The following RIMS1 variants were observed in gnomAD, a reference collection of about 807,000 sequenced individuals.
The protein encoded by RIMS1 is regulating synaptic membrane exocytosis protein 1.
In RIMS1, 83 loss-of-function variants were observed where a neutral mutation model predicts 214.1. That is an observed-to-expected ratio of 0.39 (90% CI 0.32 to 0.47). The LOEUF (loss-of-function observed/expected upper bound fraction) is 0.47, where lower values mean the gene tolerates loss of function less well. Among genes scored for constraint, RIMS1 ranks in the 20% least tolerant of loss-of-function variants. The pLI is 0.99. For missense variants in RIMS1, 2,050 were observed against 2,161.8 expected (o/e 0.95, Z 1.03); for synonymous variants, 793 against 786.8 (o/e 1.01, Z -0.13).
chr6:72,032,311 G>A (rs1329201374), intron 2 of RIMS1, among the ~76,000 whole-genome samples: 1 of 152,162 alleles, frequency 6.6e-6, no homozygotes, highest in African/African-American at 2.4e-5. Flanking sequence ...TAAAAGTACT[G>A]TCTTCCACAG....
chr6:71,903,755 T>G (rs1340132335), intron 1 of RIMS1, among the ~76,000 whole-genome samples: 1 of 151,920 alleles, frequency 6.6e-6, no homozygotes, highest in Non-Finnish European at 1.5e-5. Flanking sequence ...GTAGTGTGTG[T>G]GTGTGTTTTT....
chr6:72,007,519 C>A (rs1331229715), intron 2 of RIMS1, among the ~76,000 whole-genome samples: 2 of 152,160 alleles, frequency 1.3e-5, no homozygotes, highest in African/African-American at 4.8e-5. Context: ...GACAATCAAA[C>A]TTCTCTGAGC....
chr6:72,324,256 G>A (rs192505518), intron 28 of RIMS1, among the ~76,000 whole-genome samples: 6 of 152,066 alleles, frequency 3.9e-5, no homozygotes, highest in South Asian at 2.1e-4. Flanking sequence ...ATATGTAGAC[G>A]TGAAAAATAT....
chr6:71,955,102 T>A (rs1174313075), intron 1 of RIMS1, among the ~76,000 whole-genome samples: 1 of 152,174 alleles, frequency 6.6e-6, no homozygotes, highest in African/African-American at 2.4e-5. Flanking sequence ...AGTTATTCTA[T>A]TGATGGACAC....
chr6:72,229,636 CT>C (rs906077102), intron 6 of RIMS1, among the ~76,000 whole-genome samples: 1 of 151,722 alleles, frequency 6.6e-6, no homozygotes, highest in African/African-American at 2.4e-5. Context: ...TGGAAGCACA[CT>C]TTTCCATTGC....
chr6:72,213,142 A>G (rs1439463536), intron 6 of RIMS1: 1 of 1,536,912 alleles, frequency 6.5e-7, no homozygotes, highest in Non-Finnish European at 8.7e-7. Flanking sequence ...CCTGGGATTC[A>G]TGTCTCTTCA....
At chr6:72,012,219 C>G (rs1051738525) in intron 2 of RIMS1, among the ~76,000 whole-genome samples, 7 of 152,082 alleles carry the variant, frequency 4.6e-5, no homozygotes, top group African/African-American at 1.4e-4. Flanking sequence ...TCTCAGCAAA[C>G]TATCACAAGG....
chr6:72,067,162 A>G (rs1372552112), intron 2 of RIMS1, among the ~76,000 whole-genome samples: 3 of 152,152 alleles, frequency 2.0e-5, no homozygotes, highest in Non-Finnish European at 4.4e-5. Context: ...ACATCTTTCA[A>G]TGAGATCATG....
At chr6:72,320,966 C>A (rs560711663) in intron 28 of RIMS1, among the ~76,000 whole-genome samples, 4 of 151,928 alleles carry the variant, frequency 2.6e-5, no homozygotes, top group Non-Finnish European at 5.9e-5. Flanking sequence ...TTTCTTTACT[C>A]ATTTTAACAT....
intron 26 of RIMS1, among the ~76,000 whole-genome samples, chr6:72,299,417 T>C (rs2094409817): frequency 6.6e-6 from 1 of 151,812 alleles, no homozygotes; most frequent in African/African-American, 2.4e-5. Flanking sequence ...GTAAATAGCA[T>C]TTTGGTGCTT....
In RIMS1 at chr6:72,196,588, T is replaced by TTTTTTTTTTTTTTTG. The variant is rs2051001785; in HGVS notation, c.1678+13453_1678+13454insGTTTTTTTTTTTTTT. On this transcript the variant is annotated intron_variant, in intron 6 of 33. Coordinates refer to ENST00000521978, the MANE Select transcript of RIMS1 (RefSeq NM_014989.7). ...GCTGGCAGCCAGCTGCACTTTTTTT[T>TTTTTTTTTTTTTTTG]TTTTTTTTTTTTTTTACCTATACAG... Among the ~76,000 whole-genome samples the TTTTTTTTTTTTTTTG allele has an allele frequency of 1.6e-5, 2 of 125,540 alleles. 1 individual carries two copies. The highest frequency in any genetic ancestry group is 3.5e-5 in the Non-Finnish European group (2 of 57,380). The allele number at this position is 125,540 out of a possible 152,430, so 82.4% of individuals were successfully genotyped here.
At chr6:72,320,190 A>G (rs1254461629) in intron 28 of RIMS1, among the ~76,000 whole-genome samples, 1 of 152,116 alleles carries the variant, frequency 6.6e-6, no homozygotes, top group Non-Finnish European at 1.5e-5. Context: ...TTTCAAAGTT[A>G]TGCCCATGGA....
intron 1 of RIMS1, among the ~76,000 whole-genome samples, chr6:71,951,911 A>G (rs553643621): frequency 1.7e-4 from 26 of 152,194 alleles, no homozygotes; most frequent in African/African-American, 6.0e-4. Context: ...CTTTCTTTAT[A>G]AGATAATATC....
At chr6:72,041,100 A>C (rs1821314119) in intron 2 of RIMS1, among the ~76,000 whole-genome samples, 1 of 151,904 alleles carries the variant, frequency 6.6e-6, no homozygotes, top group Non-Finnish European at 1.5e-5. Context: ...GTGTGTATGC[A>C]CATAGGAATA....
intron 2 of RIMS1, among the ~76,000 whole-genome samples, chr6:71,985,385 G>A (rs187679176): frequency 6.6e-5 from 10 of 152,100 alleles, no homozygotes; most frequent in Non-Finnish European, 1.2e-4. Context: ...GTGACACCCT[G>A]TCTAAAATAA....
intron 4 of RIMS1, among the ~76,000 whole-genome samples, chr6:72,150,351 G>C (rs1188855068): frequency 6.6e-6 from 1 of 152,194 alleles, no homozygotes; most frequent in African/African-American, 2.4e-5. Flanking sequence ...TTGGTCTGTG[G>C]ATTTGACTTG....
At chr6:71,973,148 T>A (rs565557813) in intron 2 of RIMS1, among the ~76,000 whole-genome samples, 1 of 152,290 alleles carries the variant, frequency 6.6e-6, no homozygotes, top group South Asian at 2.1e-4. Flanking sequence ...GACTTCGTGA[T>A]CCGCCCACCT....
At chr6:72,314,087 G>C (rs1375304481) in intron 28 of RIMS1, among the ~76,000 whole-genome samples, 2 of 152,150 alleles carry the variant, frequency 1.3e-5, no homozygotes, top group African/African-American at 4.8e-5. Flanking sequence ...TGTGGGTGTA[G>C]TGGATGTGTT....
At chr6:72,007,832 C>G (rs904043895) in intron 2 of RIMS1, among the ~76,000 whole-genome samples, 6 of 152,056 alleles carry the variant, frequency 3.9e-5, no homozygotes, top group Non-Finnish European at 8.8e-5. Context: ...GTGAAAAGAC[C>G]AAATCTATGT....
Sources: allele counts gnomAD v4.1 joint callset (sites outside exome capture counted in the v4.1 genomes callset), GRCh38; gene constraint gnomAD v4.1.1; transcripts MANE v1.5; gene names NCBI Gene and HGNC (gene_info 2026-07-23, HGNC 2026-07-21).